The following TCF20 variants were observed in gnomAD, a reference collection of about 807,000 sequenced individuals.
TCF20 encodes SPRE-binding protein.
A neutral mutation model predicts 148.6 loss-of-function variants in TCF20; 3 were observed. That is an observed-to-expected ratio of 0.02 (90% CI 0.01 to 0.05). TCF20 has a LOEUF of 0.05. TCF20 is among the 10% of genes least tolerant of loss of function. The pLI is 1.00. For missense variants in TCF20, 2,350 were observed against 2,429.3 expected (o/e 0.97, Z 0.69); for synonymous variants, 1,049 against 909.5 (o/e 1.15, Z -2.76).
At chr22:42,243,310 A>AAAAAAAAAAAAAAAAAAAAAAAAAAAAAC (rs1569180401) in intron 1 of TCF20, among the ~76,000 whole-genome samples, 5 of 140,860 alleles carry the variant, frequency 3.5e-5, no homozygotes, top group African/African-American at 1.5e-4. Context: ...AAAAAAAAAA[A>AAAAAAAAAAAAAAAAAAAAAAAAAAAAAC]AAAAAAAAAA....
chr22:42,215,820 T>C (rs1359423851), intron 1 of TCF20, among the ~76,000 whole-genome samples: 1 of 152,086 alleles, frequency 6.6e-6, no homozygotes, highest in Non-Finnish European at 1.5e-5. Flanking sequence ...AAAATGCACA[T>C]ATGCAGAGAA....
intron 1 of TCF20, among the ~76,000 whole-genome samples, chr22:42,241,284 T>C (rs1924378585): frequency 6.6e-6 from 1 of 152,146 alleles, no homozygotes; most frequent in Admixed American, 6.6e-5. Context: ...CACACAAACA[T>C]ATGAACAAAG....
intron 1 of TCF20, among the ~76,000 whole-genome samples, chr22:42,260,142 T>G (rs948898159): frequency 1.3e-5 from 2 of 152,038 alleles, no homozygotes; most frequent in Admixed American, 6.6e-5. Context: ...CTCAAAGATT[T>G]GAGAAGCAGA....
At chr22:42,198,546 G>A (rs1937742920) in intron 2 of TCF20, among the ~76,000 whole-genome samples, 1 of 152,032 alleles carries the variant, frequency 6.6e-6, no homozygotes. Flanking sequence ...TCTAGATTAT[G>A]TATGATACCT....
chr22:42,173,868 C>CA (rs1936282826), intron 3 of TCF20, among the ~76,000 whole-genome samples: 1 of 152,210 alleles, frequency 6.6e-6, no homozygotes, highest in Non-Finnish European at 1.5e-5. Context: ...GCCCTACCCT[C>CA]ACTCCTCCCA....
upstream of TCF20, among the ~76,000 whole-genome samples, chr22:42,287,209 G>T (rs1927048679): frequency 6.6e-6 from 1 of 152,176 alleles, no homozygotes; most frequent in Non-Finnish European, 1.5e-5. Flanking sequence ...CAGGTTTTTG[G>T]GAGCATGGTG....
chr22:42,335,430 G>C (rs1928049529), intron 1 of TCF20, among the ~76,000 whole-genome samples: 1 of 152,180 alleles, frequency 6.6e-6, no homozygotes, highest in African/African-American at 2.4e-5. Flanking sequence ...AGCTCCTCGA[G>C]GGTGAGAACC....
At chr22:42,204,602 T>C (rs1938264311) in intron 2 of TCF20, among the ~76,000 whole-genome samples, 1 of 152,202 alleles carries the variant, frequency 6.6e-6, no homozygotes, top group Non-Finnish European at 1.5e-5. Flanking sequence ...CCCAGCACTT[T>C]GGGTGGCTGA....
At chr22:42,300,145 G>A (rs564072600) in intron 1 of TCF20, among the ~76,000 whole-genome samples, 1 of 152,232 alleles carries the variant, frequency 6.6e-6, no homozygotes, top group African/African-American at 2.4e-5. Context: ...ATATCAGGGG[G>A]TTAGGGGAAT....
chr22:42,173,661 C>G (rs761785517), intron 3 of TCF20, among the ~76,000 whole-genome samples: 4 of 152,158 alleles, frequency 2.6e-5, no homozygotes, highest in African/African-American at 4.8e-5. Context: ...GAGCAATTTC[C>G]AAGAAGACTG....
chr22:42,183,184 T>C (rs1936863347), intron 2 of TCF20, among the ~76,000 whole-genome samples: 1 of 152,170 alleles, frequency 6.6e-6, no homozygotes, highest in African/African-American at 2.4e-5. Context: ...AGAGACACAA[T>C]GACTGGGTGA....
chr22:42,237,733 C>T (rs1924010888), intron 1 of TCF20, among the ~76,000 whole-genome samples: 2 of 152,322 alleles, frequency 1.3e-5, no homozygotes, highest in South Asian at 2.1e-4. Context: ...ATGAAAACAA[C>T]ATTTATCTCC....
intron 3 of TCF20, among the ~76,000 whole-genome samples, chr22:42,177,278 G>A (rs1936508770): frequency 6.6e-6 from 1 of 152,170 alleles, no homozygotes; most frequent in African/African-American, 2.4e-5. Context: ...AGCCGGGCAT[G>A]GTGGTGGGCG....
At chr22:42,289,651 A>G (rs1402473743) in intron 1 of TCF20, among the ~76,000 whole-genome samples, 1 of 152,188 alleles carries the variant, frequency 6.6e-6, no homozygotes, top group Non-Finnish European at 1.5e-5. Flanking sequence ...TAGGCGGCTA[A>G]AGGGAGAGAA....
chr22:42,279,951 C>T lies in TCF20; in HGVS notation c.-37+3876G>A, dbSNP rs58580215. ...GTGTTGTCTATGGGGCTCTTGTGCC[C>T]TCTGGGGGCCTCTGGGGAGCTGCTA... On this transcript the variant is annotated intron_variant, in intron 1 of 5. Transcript: ENST00000359486. This position sits in a 1 kb window ranked among gnomAD's most constrained non-coding sequence, Gnocchi z 4.3. Among the ~76,000 whole-genome samples, 466 of 128,646 alleles carry T rather than the reference C, an allele frequency of 3.6e-3. No homozygotes were observed. Among genetic ancestry groups the T allele is most frequent in the African/African-American group, 0.011 (446 of 40,296 alleles). The allele number at this position is 128,646 out of a possible 152,430, so 84.4% of individuals were successfully genotyped here.
At chr22:42,195,668 T>C (rs1046603974) in intron 2 of TCF20, among the ~76,000 whole-genome samples, 1 of 152,112 alleles carries the variant, frequency 6.6e-6, no homozygotes, top group African/African-American at 2.4e-5. Flanking sequence ...CCCAGCTAAC[T>C]TCTGTATTTT....
chr22:42,246,249 C>T (rs997494469), intron 1 of TCF20, among the ~76,000 whole-genome samples: 1 of 152,126 alleles, frequency 6.6e-6, no homozygotes, highest in Non-Finnish European at 1.5e-5. Context: ...GCGTTACAGG[C>T]GCATGCCACC....
At chr22:42,267,967 G>A (rs963017688) in intron 1 of TCF20, among the ~76,000 whole-genome samples, 2 of 152,094 alleles carry the variant, frequency 1.3e-5, no homozygotes, top group African/African-American at 2.4e-5. Context: ...CTAACATGGC[G>A]AAATGTTGTC....
At chr22:42,226,860 G>C (rs1473739605) in intron 1 of TCF20, among the ~76,000 whole-genome samples, 4 of 152,106 alleles carry the variant, frequency 2.6e-5, no homozygotes, top group African/African-American at 9.7e-5. Flanking sequence ...CAAAAGGAAA[G>C]AAACAAACTA....
Sources: gnomAD v4.1 joint callset for allele counts (sites outside exome capture counted in the v4.1 genomes callset) on GRCh38, gnomAD v4.1.1 for gene constraint, Gnocchi (gnomAD v3.1) non-coding constraint, MANE v1.5 for transcripts, NCBI Gene and HGNC (gene_info 2026-07-23, HGNC 2026-07-21) for gene names.